PCDHGA5: variants seen among roughly 807,000 people sequenced by gnomAD.
The protein encoded by PCDHGA5 is protocadherin gamma subfamily A, 5, also known as protocadherin gamma-A5.
In PCDHGA5, 36 loss-of-function variants were observed where a neutral mutation model predicts 56.7. The observed-to-expected ratio is 0.64, with a 90% confidence interval of 0.49 to 0.84. The LOEUF is 0.84. Ranked by LOEUF, PCDHGA5 falls within the 40% of genes least tolerant of loss-of-function variation. The probability of loss-of-function intolerance (pLI) is 0.00; values close to 1 mark genes in which losing one functional copy is unlikely to be tolerated. For synonymous variants in PCDHGA5, 563 were observed against 520.2 expected, an observed-to-expected ratio of 1.08 and a Z score of -1.12; for missense variants, 1,305 against 1,201.5, an observed-to-expected ratio of 1.09 and a Z score of -1.27.
chr5:141,399,735 T>A (rs909521642), intron 1 of PCDHGA5: 1 of 1,613,198 alleles, frequency 6.2e-7, no homozygotes, highest in African/African-American at 1.3e-5. Flanking sequence ...AGGGCTCGCC[T>A]GCGCTCAGCG....
At chr5:141,413,295 T>C in intron 1 of PCDHGA5, 1 of 1,613,940 alleles carries the variant, frequency 6.2e-7, no homozygotes, top group Middle Eastern at 1.7e-4. Context: ...ACTCAATTCC[T>C]GAGGAATTAG....
At chr5:141,394,982 C>T (rs754667421) in intron 1 of PCDHGA5, 16 of 1,613,866 alleles carry the variant, frequency 9.9e-6, no homozygotes, top group Non-Finnish European at 1.3e-5. Context: ...ACAAGTCACG[C>T]CTGCTCCAGG....
intron 1 of PCDHGA5, chr5:141,370,412 A>G (rs1561546319): frequency 3.2e-6 from 5 of 1,567,090 alleles, no homozygotes; most frequent in Non-Finnish European, 4.3e-6. Context: ...ATAGCTCCGG[A>G]TGGAGGGGCC....
At chr5:141,468,154 G>A (rs1374898668) in intron 1 of PCDHGA5, among the ~76,000 whole-genome samples, 2 of 151,838 alleles carry the variant, frequency 1.3e-5, no homozygotes, top group African/African-American at 2.4e-5. Flanking sequence ...GTGAAACCCT[G>A]TCTCTGCTAA....
At chr5:141,460,983 G>GTGTA (rs1554142949) in intron 1 of PCDHGA5, among the ~76,000 whole-genome samples, 1,579 of 137,794 alleles carry the variant, frequency 0.011, 39 homozygotes, top group African/African-American at 0.038. Context: ...GTGTGTGTGT[G>GTGTA]TATATATATA....
chr5:141,498,009 C>A (rs1160103624), intron 2 of PCDHGA5, among the ~76,000 whole-genome samples: 1 of 152,146 alleles, frequency 6.6e-6, no homozygotes, highest in Non-Finnish European at 1.5e-5. Context: ...TTACAGTGCA[C>A]TGAAGGAGAC....
intron 1 of PCDHGA5, chr5:141,399,104 A>G (rs561995889): frequency 6.2e-7 from 1 of 1,613,860 alleles, no homozygotes; most frequent in South Asian, 1.1e-5. Context: ...CTGGTTGCAC[A>G]ATGTACAGTT....
rs754225999 is a variant in PCDHGA5, at chr5:141,489,509, T to C, written c.2422-5298T>C. The C allele has an allele frequency of 1.2e-6, 2 of 1,614,062 alleles. No homozygotes were observed. The highest frequency in any genetic ancestry group is 1.1e-5 in the South Asian group (1 of 91,074). On this transcript the variant is annotated intron_variant, in intron 1 of 3. Coordinates refer to ENST00000518069, the MANE Select transcript of PCDHGA5 (RefSeq NM_018918.3). The surrounding 1 kb of genome is among the most constrained non-coding windows in gnomAD (Gnocchi z 4.5). ...GGTGCCCTGGCAGTGAATCAAAAGA[T>C]TGACCGAGAAAGCCTATGTGGAGCC...
intron 1 of PCDHGA5, among the ~76,000 whole-genome samples, chr5:141,457,384 G>A (rs2154565902): frequency 6.6e-6 from 1 of 152,270 alleles, no homozygotes; most frequent in African/African-American, 2.4e-5. Context: ...CCCAGAACTA[G>A]CATATTGATT....
chr5:141,428,367 G>C, intron 1 of PCDHGA5: 1 of 546,792 alleles, frequency 1.8e-6, no homozygotes, highest in South Asian at 1.9e-5. Context: ...CGGTCGCCTT[G>C]CACCTGCGAT....
rs746834673 is a variant in PCDHGA5, at chr5:141,394,045, A to G, written c.2421+27294A>G. ...AGATTAGTGACAAGGAAATATTTGG[A>G]CCGAGAAAATGTCTCTATCTACAAT... On this transcript the variant is annotated intron_variant, in intron 1 of 3. Transcript: ENST00000518069. 6 of 1,613,706 alleles carry G rather than the reference A, an allele frequency of 3.7e-6. No individual in the cohort carries two copies. The highest frequency in any genetic ancestry group is 1.6e-4 in the Middle Eastern group (1 of 6,062).
At chr5:141,456,899 G>T (rs1592472053) in intron 1 of PCDHGA5, among the ~76,000 whole-genome samples, 1 of 152,212 alleles carries the variant, frequency 6.6e-6, no homozygotes, top group East Asian at 1.9e-4. Context: ...GGAGGCAGAG[G>T]TTGCAGTGAG....
At chr5:141,393,867 T>G in intron 1 of PCDHGA5, 1 of 1,614,000 alleles carries the variant, frequency 6.2e-7, no homozygotes. Context: ...CATTACGTCT[T>G]TGTTTAGCCC....
Position 141,487,810 on chromosome 5 carries a change from C to T in PCDHGA5, c.2422-6997C>T. 7.1e-7 allele frequency: 1 copy of T among 1,417,854 alleles called. No homozygotes were observed. 87.8% of individuals were successfully genotyped at this position (1,417,854 alleles called of 1,614,324 possible). ...ATTAACCAGAGTTGTCACAGTTTAG[C>T]ATTGGGGGCGGGTCATGCCTATATC... is the stretch of plus-strand genomic sequence containing the variant. On this transcript the variant is annotated intron_variant, in intron 1 of 3. Coordinates refer to ENST00000518069, the MANE Select transcript of PCDHGA5 (RefSeq NM_018918.3). This position sits in a 1 kb window ranked among gnomAD's most constrained non-coding sequence, Gnocchi z 5.0.
Position 141,364,935 on chromosome 5 carries a change from G to T in PCDHGA5, c.605G>T (p.Arg202Leu), listed in dbSNP as rs1240232107. ...PELVLEQPLD[R>L]EKETVHDLLL... ...CTGGTGTTGGAACAGCCCCTAGACCGCGAGAAAGAGACTGTTCACGACCTC... is the reference window on the plus strand; with the variant it reads ...CTGGTGTTGGAACAGCCCCTAGACCTCGAGAAAGAGACTGTTCACGACCTC... The change falls in exon 1 of 4, where the codon CGC becomes CTC. Residue 202 changes from arginine to leucine, a missense_variant. Arg to Leu is a moderately radical substitution (Grantham distance 102). Coordinates refer to ENST00000518069, the MANE Select transcript of PCDHGA5 (RefSeq NM_018918.3). The T allele has an allele frequency of 3.1e-6, 5 of 1,613,906 alleles. No individual in the cohort carries two copies. In the Admixed American group the frequency reaches 8.3e-5, roughly 27 times the overall value.
Position 141,366,451 on chromosome 5 carries a change from C to G in PCDHGA5, c.2121C>G (p.Phe707Leu). Residue 707 changes from phenylalanine (F) to leucine (L), a missense_variant, in exon 1 of 4, where the codon TTC becomes TTG. By Grantham distance (22) the Phe-to-Leu change is conservative. Transcript: ENST00000518069. ...VAAVSCVFLA[F>L]VIVLLVLRLR... ...CAGTCTCCTGCGTCTTCCTGGCCTT[C>G]GTCATCGTGCTGCTGGTGCTCAGAC... 1 of 1,614,228 alleles carries G rather than the reference C, an allele frequency of 6.2e-7. No homozygotes were observed. Among genetic ancestry groups the G allele is most frequent in the Non-Finnish European group, 8.5e-7 (1 of 1,180,050 alleles).
intron 1 of PCDHGA5, chr5:141,399,756 C>G: frequency 6.2e-7 from 1 of 1,613,346 alleles, no homozygotes; most frequent in Non-Finnish European, 8.5e-7. Flanking sequence ...CAAACGTGAG[C>G]CTGCGCGTGT....
chr5:141,494,906 A>T, intron 2 of PCDHGA5, 41 bp downstream of exon 2: 1 of 1,613,800 alleles, frequency 6.2e-7, no homozygotes, highest in Non-Finnish European at 8.5e-7. Flanking sequence ...TCTCTGCGGC[A>T]TTTTCTCAGG....
intron 1 of PCDHGA5, chr5:141,367,677 A>G (rs1045568085): frequency 2.0e-5 from 3 of 152,168 alleles, no homozygotes; most frequent in Non-Finnish European, 4.4e-5. Context: ...GGGCTTGTTG[A>G]GAGAAGAAAT....
Sources: allele counts gnomAD v4.1 joint callset (sites outside exome capture counted in the v4.1 genomes callset), GRCh38; gene constraint gnomAD v4.1.1; non-coding constraint Gnocchi (gnomAD v3.1); transcripts MANE v1.5; gene names NCBI Gene and HGNC (gene_info 2026-07-23, HGNC 2026-07-21).